Variants in NXPH2 observed in about 807,000 individuals in gnomAD.
NXPH2 encodes neurexophilin-2.
A neutral mutation model predicts 19.8 loss-of-function variants in NXPH2; 5 were observed. The ratio of observed to expected loss-of-function variants is 0.25; its 90% CI spans 0.13 to 0.53. NXPH2 has a LOEUF of 0.53. NXPH2 is among the 20% of genes least tolerant of loss of function. NXPH2 has a pLI of 0.96. For synonymous variants in NXPH2, 154 were observed against 127.4 expected (o/e 1.21, Z -1.41); for missense variants, 289 against 322.8 (o/e 0.90, Z 0.80).
intron 1 of NXPH2, among the ~76,000 whole-genome samples, chr2:138,739,394 G>A (rs1681609423): frequency 6.6e-6 from 1 of 152,200 alleles, no homozygotes; most frequent in African/African-American, 2.4e-5. Flanking sequence ...ATAGTTACTA[G>A]TTGGGATGAT....
At chr2:138,762,941 C>G (rs1682040615) in intron 1 of NXPH2, among the ~76,000 whole-genome samples, 1 of 152,208 alleles carries the variant, frequency 6.6e-6, no homozygotes, top group Non-Finnish European at 1.5e-5. Flanking sequence ...TTCATTGTAT[C>G]TACTTTCATA....
At chr2:138,711,684 G>T (rs1367503144) in intron 1 of NXPH2, among the ~76,000 whole-genome samples, 1 of 152,088 alleles carries the variant, frequency 6.6e-6, no homozygotes, top group African/African-American at 2.4e-5. Flanking sequence ...TCCCACAAAA[G>T]CCCAGTCCAC....
chr2:138,726,862 A>AATGTT (rs1681368743), intron 1 of NXPH2, among the ~76,000 whole-genome samples: 1 of 152,184 alleles, frequency 6.6e-6, no homozygotes, highest in Admixed American at 6.5e-5. Flanking sequence ...GGGTTTGGAC[A>AATGTT]AACATGTAGT....
intron 1 of NXPH2, among the ~76,000 whole-genome samples, chr2:138,721,583 G>T (rs891543232): frequency 1.2e-4 from 19 of 152,010 alleles, no homozygotes; most frequent in African/African-American, 4.4e-4. Flanking sequence ...TAAAACTGTA[G>T]GCAGGAGGAT....
chr2:138,774,869 A>G (rs1437006798), intron 1 of NXPH2, among the ~76,000 whole-genome samples: 2 of 152,262 alleles, frequency 1.3e-5, no homozygotes, highest in Non-Finnish European at 2.9e-5. Context: ...CAAAACATGA[A>G]TGGAAACATT....
At chr2:138,765,369 T>C (rs1682074491) in intron 1 of NXPH2, among the ~76,000 whole-genome samples, 1 of 152,220 alleles carries the variant, frequency 6.6e-6, no homozygotes, top group South Asian at 2.1e-4. Flanking sequence ...TAGTTAAAAT[T>C]TTGTGAAAAT....
At chr2:138,733,675 T>G (rs145754736) in intron 1 of NXPH2, among the ~76,000 whole-genome samples, 3 of 152,324 alleles carry the variant, frequency 2.0e-5, no homozygotes, top group African/African-American at 4.8e-5. Flanking sequence ...AAGAAAGCTC[T>G]CACAATGTTC....
Position 138,670,301 on chromosome 2 carries a change from T to A in NXPH2, c.*621A>T, listed in dbSNP as rs1248692216. ...TGGTGACCAACACAGGGCTAAGTGC[T>A]CAAATCACATTCCACGCAACTGTAG... is the stretch of plus-strand genomic sequence containing the variant. On this transcript the variant is annotated 3_prime_UTR_variant, in exon 2 of 2. Coordinates refer to ENST00000272641, the MANE Select transcript of NXPH2 (RefSeq NM_007226.3). Among the ~76,000 whole-genome samples, 2 of 152,204 alleles carry A rather than the reference T, an allele frequency of 1.3e-5. No individual in the cohort carries two copies. The highest frequency in any genetic ancestry group is 4.8e-5 in the African/African-American group (2 of 41,456).
chr2:138,775,021 T>C (rs941513289), intron 1 of NXPH2, among the ~76,000 whole-genome samples: 2 of 152,210 alleles, frequency 1.3e-5, no homozygotes, highest in Admixed American at 6.5e-5. Context: ...AAATGTCTCA[T>C]TTCTCTTACC....
rs78263797 is a variant in NXPH2, at chr2:138,776,660, G to A, written c.51+3531C>T. On this transcript the variant is annotated intron_variant, in intron 1 of 1. Coordinates refer to ENST00000272641, the MANE Select transcript of NXPH2 (RefSeq NM_007226.3). ...TCACATTGTCATATAGCCAACAGAG[G>A]ACTATTCATCCGGCACTGGAAAATA... Among the ~76,000 whole-genome samples the A allele has an allele frequency of 5.7e-3, 862 of 150,738 alleles. 5 individuals carry two copies. Among genetic ancestry groups the A allele is most frequent in the African/African-American group, 0.019 (782 of 41,080 alleles).
chr2:138,745,784 A>G (rs1385037847), intron 1 of NXPH2, among the ~76,000 whole-genome samples: 1 of 151,584 alleles, frequency 6.6e-6, no homozygotes, highest in Admixed American at 6.6e-5. Context: ...GACAGCTGTT[A>G]CCTATGGAGT....
At chr2:138,720,435 T>C (rs1681260627) in intron 1 of NXPH2, among the ~76,000 whole-genome samples, 1 of 152,210 alleles carries the variant, frequency 6.6e-6, no homozygotes, top group Non-Finnish European at 1.5e-5. Flanking sequence ...CTTCGGCTGC[T>C]CTGAAGGGGT....
intron 1 of NXPH2, among the ~76,000 whole-genome samples, chr2:138,731,263 T>C (rs1019689348): frequency 6.6e-6 from 1 of 152,142 alleles, no homozygotes; most frequent in African/African-American, 2.4e-5. Context: ...TGACTATGAG[T>C]TCAGTATTGC....
At chr2:138,687,900 C>A (rs891440513) in intron 1 of NXPH2, among the ~76,000 whole-genome samples, 1 of 152,044 alleles carries the variant, frequency 6.6e-6, no homozygotes, top group Non-Finnish European at 1.5e-5. Flanking sequence ...TGGTCTATAT[C>A]TCTGTTTTGG....
At chr2:138,697,775 A>G (rs1680850480) in intron 1 of NXPH2, among the ~76,000 whole-genome samples, 1 of 151,998 alleles carries the variant, frequency 6.6e-6, no homozygotes, top group Admixed American at 6.6e-5. Flanking sequence ...ATAAATAATC[A>G]CCAGAGAAAA....
intron 1 of NXPH2, among the ~76,000 whole-genome samples, chr2:138,696,076 T>TA (rs1680824255): frequency 6.6e-6 from 1 of 152,142 alleles, no homozygotes; most frequent in Non-Finnish European, 1.5e-5. Context: ...TTGGCATAGA[T>TA]ATGTATATAT....
intron 1 of NXPH2, among the ~76,000 whole-genome samples, chr2:138,699,236 T>A (rs2104980847): frequency 6.6e-6 from 1 of 152,224 alleles, no homozygotes; most frequent in African/African-American, 2.4e-5. Flanking sequence ...GTCAATAAAG[T>A]ACAAATCTTA....
intron 1 of NXPH2, among the ~76,000 whole-genome samples, chr2:138,745,560 T>C (rs572398786): frequency 6.6e-6 from 1 of 151,712 alleles, no homozygotes; most frequent in Admixed American, 6.6e-5. Flanking sequence ...AAAAGTTAAT[T>C]GTGTAATACT....
chr2:138,710,226 TA>T (rs1230509752), intron 1 of NXPH2, among the ~76,000 whole-genome samples: 11 of 152,216 alleles, frequency 7.2e-5, no homozygotes, highest in African/African-American at 2.7e-4. Context: ...GTCCATGCCG[TA>T]AATATATCAG....
Sources: gnomAD v4.1 joint callset for allele counts (sites outside exome capture counted in the v4.1 genomes callset) on GRCh38, gnomAD v4.1.1 for gene constraint, MANE v1.5 for transcripts, NCBI Gene and HGNC (gene_info 2026-07-23, HGNC 2026-07-21) for gene names.